Variants in MICU2 observed in about 807,000 individuals in gnomAD.
MICU2 encodes the protein calcium uptake protein 2, mitochondrial.
Under a neutral mutation model 60.4 loss-of-function variants are expected in MICU2, and 64 were observed. The ratio of observed to expected loss-of-function variants is 1.06; its 90% CI spans 0.87 to 1.31. The LOEUF (loss-of-function observed/expected upper bound fraction) is 1.31, where lower values mean the gene tolerates loss of function less well. MICU2 is among the 50% of genes most tolerant of loss of function. The pLI is 0.00. For missense variants in MICU2, 569 were observed against 531.0 expected (o/e 1.07, Z -0.70); for synonymous variants, 201 against 175.0 (o/e 1.15, Z -1.17).
intron 8 of MICU2, among the ~76,000 whole-genome samples, 200 bp downstream of exon 8, chr13:21,509,804 G>A (rs747133451): frequency 1.3e-5 from 2 of 152,096 alleles, no homozygotes; most frequent in Admixed American, 1.3e-4. Context: ...TCTATAGTAA[G>A]GTACGATATT....
intron 1 of MICU2, among the ~76,000 whole-genome samples, chr13:21,596,538 CT>C (rs1161099736): frequency 6.6e-6 from 1 of 152,004 alleles, no homozygotes; most frequent in Admixed American, 6.6e-5. Context: ...ATTCTCCTGC[CT>C]CAGCCTTCCA....
chr13:21,588,818 T>C (rs971167633), intron 1 of MICU2, among the ~76,000 whole-genome samples: 5 of 152,224 alleles, frequency 3.3e-5, no homozygotes, highest in East Asian at 3.8e-4. Context: ...CTCTCAGGTC[T>C]GTTTAGACAC....
intron 1 of MICU2, among the ~76,000 whole-genome samples, chr13:21,572,928 T>C (rs1888144117): frequency 9.3e-6 from 1 of 106,994 alleles, no homozygotes; most frequent in Admixed American, 1.2e-4. Context: ...TTAGCTGTTG[T>C]TAATGTAAAT....
chr13:21,581,271 C>T (rs1484609994), intron 1 of MICU2, among the ~76,000 whole-genome samples: 2 of 152,140 alleles, frequency 1.3e-5, no homozygotes, highest in Non-Finnish European at 2.9e-5. Context: ...GCATGCACCA[C>T]CACACCAGGC....
intron 1 of MICU2, among the ~76,000 whole-genome samples, chr13:21,597,506 C>T (rs1045347368): frequency 3.9e-5 from 6 of 152,154 alleles, no homozygotes; most frequent in Admixed American, 1.3e-4. Context: ...TCAGTTCTTT[C>T]ATTCACCCTA....
At chr13:21,517,789 AC>A (rs1566144754) in intron 6 of MICU2, among the ~76,000 whole-genome samples, 1 of 96,090 alleles carries the variant, frequency 1.0e-5, no homozygotes, top group African/African-American at 3.9e-5. Context: ...ACACACACAC[AC>A]ACACACACAC....
rs1887218623 is a variant in MICU2 at position 21,539,355 on chromosome 13, C to G, written c.413G>C (p.Gly138Ala). 1.2e-6 allele frequency: 2 copies of G among 1,613,946 alleles called. No individual in the cohort carries two copies. Among genetic ancestry groups the G allele is most frequent in the Non-Finnish European group, 1.7e-6 (2 of 1,179,968 alleles). Reference protein sequence around the residue: ...TKKDIEDTLSGIQTAGCGSTF... With the variant: ...TKKDIEDTLSAIQTAGCGSTF... ...TGATCCACAGCCAGCTGTTTGGATC[C>G]CTGACAGTGTATCCTCGATGTCCTT... Residue 138 changes from glycine (G) to alanine (A), a missense_variant, in exon 4 of 12, where the codon GGG becomes GCG. Gly to Ala is a moderately conservative substitution (Grantham distance 60, BLOSUM62 0). Transcript: ENST00000382374.
intron 2 of MICU2, among the ~76,000 whole-genome samples, chr13:21,562,696 G>A (rs954933548): frequency 3.9e-5 from 6 of 152,012 alleles, no homozygotes; most frequent in South Asian, 4.1e-4. Flanking sequence ...CCCTTATACC[G>A]TTGCTGTTAT....
intron 4 of MICU2, among the ~76,000 whole-genome samples, chr13:21,535,819 A>G (rs1887116672): frequency 6.6e-6 from 1 of 152,174 alleles, no homozygotes; most frequent in South Asian, 2.1e-4. Context: ...GATACTATAA[A>G]TGTTTAAAAT....
intron 2 of MICU2, among the ~76,000 whole-genome samples, chr13:21,564,306 A>C (rs1887922792): frequency 6.6e-6 from 1 of 152,068 alleles, no homozygotes; most frequent in Non-Finnish European, 1.5e-5. Context: ...TCTGGGTAGG[A>C]ATCGGTTGGG....
intron 2 of MICU2, among the ~76,000 whole-genome samples, chr13:21,553,971 A>G (rs940509608): frequency 1.3e-4 from 20 of 152,222 alleles, no homozygotes; most frequent in Admixed American, 1.2e-3. Context: ...CAATTCAACA[A>G]GAAGAACTAA....
At chr13:21,519,930 T>C (rs1886675442) in intron 6 of MICU2, among the ~76,000 whole-genome samples, 1 of 152,218 alleles carries the variant, frequency 6.6e-6, no homozygotes, top group Non-Finnish European at 1.5e-5. Context: ...GACAAATTTA[T>C]ATACCAGTGT....
At chr13:21,497,087 C>CAA (rs1886018995) in intron 9 of MICU2, among the ~76,000 whole-genome samples, 1 of 149,182 alleles carries the variant, frequency 6.7e-6, no homozygotes, top group Admixed American at 6.7e-5. Context: ...AACAAACAAA[C>CAA]AAACGGGCTG....
intron 9 of MICU2, 65 bp from the exon 10 acceptor site, chr13:21,496,225 T>C: frequency 8.2e-7 from 1 of 1,223,104 alleles, no homozygotes; most frequent in South Asian, 1.3e-5. Flanking sequence ...AAATGTTAAC[T>C]ATGAACTTTC....
intron 2 of MICU2, among the ~76,000 whole-genome samples, chr13:21,540,429 C>T (rs1023616221): frequency 6.6e-6 from 1 of 152,118 alleles, no homozygotes; most frequent in Non-Finnish European, 1.5e-5. Flanking sequence ...TTATTGCTCT[C>T]AAAATTATCT....
At chr13:21,540,890 C>T (rs906665919) in intron 2 of MICU2, among the ~76,000 whole-genome samples, 3 of 151,998 alleles carry the variant, frequency 2.0e-5, no homozygotes, top group African/African-American at 7.2e-5. Context: ...TGATAATGAA[C>T]TCCAAAAAAC....
chr13:21,574,375 C>G (rs920991701), intron 1 of MICU2, among the ~76,000 whole-genome samples: 3 of 152,172 alleles, frequency 2.0e-5, no homozygotes, highest in African/African-American at 7.2e-5. Flanking sequence ...ATATAAAATG[C>G]TCCATGGATT....
At chr13:21,590,324 T>G (rs1409073350) in intron 1 of MICU2, among the ~76,000 whole-genome samples, 1 of 152,196 alleles carries the variant, frequency 6.6e-6, no homozygotes, top group African/African-American at 2.4e-5. Context: ...CAACCCAGAA[T>G]TCCATATTCA....
At chr13:21,547,815 C>T (rs950501077) in intron 2 of MICU2, among the ~76,000 whole-genome samples, 5 of 151,858 alleles carry the variant, frequency 3.3e-5, no homozygotes, top group African/African-American at 1.2e-4. Context: ...AGAGCATCTG[C>T]AGTGCATATA....
Sources: allele counts gnomAD v4.1 joint callset (sites outside exome capture counted in the v4.1 genomes callset), GRCh38; gene constraint gnomAD v4.1.1; transcripts MANE v1.5; gene names NCBI Gene and HGNC (gene_info 2026-07-23, HGNC 2026-07-21).